PDZRN4: variants seen among roughly 807,000 people sequenced by gnomAD.
The protein encoded by PDZRN4 is PDZ domain-containing RING finger protein 4.
In PDZRN4, 70 loss-of-function variants were observed where a neutral mutation model predicts 99.0. The ratio of observed to expected loss-of-function variants is 0.71; its 90% confidence interval spans 0.58 to 0.86. PDZRN4 has a LOEUF of 0.86. PDZRN4 is among the 40% of genes least tolerant of loss of function. The pLI, the probability that PDZRN4 is intolerant of heterozygous loss-of-function variation, is 0.00. For missense variants in PDZRN4, 1,474 were observed against 1,331.2 expected, an observed-to-expected ratio of 1.11 and a Z score of -1.67; for synonymous variants, 551 against 501.6, an observed-to-expected ratio of 1.10 and a Z score of -1.32.
chr12:41,400,202 G>A (rs1329297194), intron 3 of PDZRN4, among the ~76,000 whole-genome samples: 1 of 152,110 alleles, frequency 6.6e-6, no homozygotes, highest in Non-Finnish European at 1.5e-5. Flanking sequence ...TTTTCTCCCT[G>A]TTGTGCATTT....
At chr12:41,195,303 C>A (rs1036241804) in intron 3 of PDZRN4, among the ~76,000 whole-genome samples, 14 of 152,112 alleles carry the variant, frequency 9.2e-5, no homozygotes, top group African/African-American at 3.4e-4. Flanking sequence ...TTACTTGACT[C>A]CACTATTGTT....
Position 41,317,376 on chromosome 12 carries a change from T to C in PDZRN4, c.843+123188T>C, listed in dbSNP as rs886832775. Among the ~76,000 whole-genome samples the C allele has an allele frequency of 2.6e-5, 4 of 151,930 alleles. No individual in the cohort carries two copies. In the East Asian group the frequency reaches 7.8e-4, roughly 30 times the overall value. On this transcript the variant is annotated intron_variant, in intron 3 of 9. Coordinates refer to ENST00000402685, the MANE Select transcript of PDZRN4 (RefSeq NM_001164595.2). ...TTCCTAAGGGAAGGTCAGTCTTTTT[T>C]CTCTTAAGATCTTCAACTGATTGGA...
intron 3 of PDZRN4, among the ~76,000 whole-genome samples, chr12:41,337,303 C>G (rs2121006994): frequency 6.6e-6 from 1 of 152,106 alleles, no homozygotes; most frequent in East Asian, 1.9e-4. Context: ...AAACTTTTCT[C>G]CACTCGAGAA....
At chr12:41,481,402 C>T (rs1361128684) in intron 3 of PDZRN4, among the ~76,000 whole-genome samples, 1 of 152,082 alleles carries the variant, frequency 6.6e-6, no homozygotes, top group Non-Finnish European at 1.5e-5. Context: ...TGCTCAAAAC[C>T]CTCCTGCCAA....
At chr12:41,373,997 A>G (rs1952062176) in intron 3 of PDZRN4, among the ~76,000 whole-genome samples, 1 of 152,152 alleles carries the variant, frequency 6.6e-6, no homozygotes, top group South Asian at 2.1e-4. Context: ...TTGGGCTCCC[A>G]TGAAATAGAA....
chr12:41,290,866 T>C (rs74993896), intron 3 of PDZRN4, among the ~76,000 whole-genome samples: 2,193 of 152,184 alleles, frequency 0.014, 22 homozygotes, highest in Middle Eastern at 0.034. Flanking sequence ...TTACAAAAAT[T>C]TACAATTTTC....
chr12:41,280,857 G>C (rs1951379981), intron 3 of PDZRN4, among the ~76,000 whole-genome samples: 1 of 152,180 alleles, frequency 6.6e-6, no homozygotes, highest in Admixed American at 6.5e-5. Flanking sequence ...CAGCGTTCCA[G>C]CTCTGAGAAC....
intron 3 of PDZRN4, among the ~76,000 whole-genome samples, chr12:41,319,545 C>A (rs1002473791): frequency 1.3e-5 from 2 of 152,154 alleles, no homozygotes; most frequent in African/African-American, 4.8e-5. Flanking sequence ...GCCACATCTA[C>A]TGTCTCTCCA....
At chr12:41,474,503 A>G (rs931322780) in intron 3 of PDZRN4, among the ~76,000 whole-genome samples, 5 of 152,212 alleles carry the variant, frequency 3.3e-5, no homozygotes, top group Non-Finnish European at 7.4e-5. Context: ...GACTTGCTCA[A>G]AGTCTTACAG....
Position 41,563,646 on chromosome 12 carries a change from T to A in PDZRN4, c.1464T>A (p.Ile488=). The change falls in exon 8 of 10, where the codon ATT becomes ATA. Residue 488 remains isoleucine (I), a synonymous_variant. Coordinates refer to ENST00000402685, the MANE Select transcript of PDZRN4 (RefSeq NM_001164595.2). The part of the protein sequence containing the change: ...RIVLLVARPE[I]QLDEGWLEDE... ...TGCTGCTTGTTGCAAGGCCAGAGAT[T>A]CAGGTCAGAACAGAGATCAAAAGCC... 2 of 1,609,832 alleles carry A rather than the reference T, an allele frequency of 1.2e-6. No individual in the cohort carries two copies. Among genetic ancestry groups the A allele is most frequent in the Non-Finnish European group, 1.7e-6 (2 of 1,176,414 alleles).
intron 3 of PDZRN4, among the ~76,000 whole-genome samples, chr12:41,278,977 T>C (rs1951366876): frequency 6.6e-6 from 1 of 152,154 alleles, no homozygotes; most frequent in Non-Finnish European, 1.5e-5. Flanking sequence ...CCCAGTTAAA[T>C]ATCCTGCCAT....
intron 3 of PDZRN4, among the ~76,000 whole-genome samples, chr12:41,202,410 C>T (rs999031085): frequency 3.3e-5 from 5 of 151,982 alleles, no homozygotes; most frequent in African/African-American, 1.2e-4. Flanking sequence ...GGAAACTTTC[C>T]CAGTCTTTTC....
chr12:41,274,042 TTTAAG>T (rs1951333585), intron 3 of PDZRN4, among the ~76,000 whole-genome samples: 1 of 152,132 alleles, frequency 6.6e-6, no homozygotes, highest in Admixed American at 6.6e-5. Flanking sequence ...GGACATGGCA[TTTAAG>T]TTAAGTTCAT....
rs200451570 is a variant in PDZRN4 at position 41,307,612 on chromosome 12, T to G, written c.843+113424T>G. On this transcript the variant is annotated intron_variant, in intron 3 of 9. Coordinates refer to ENST00000402685, the MANE Select transcript of PDZRN4 (RefSeq NM_001164595.2). The stretch of plus-strand genomic sequence containing the variant: ...AAGAAGGAACTTTGGAGAGCCAGAT[T>G]TTTTTTTTTTTTTTGGTAAACATTT... 1.9e-3 allele frequency among the ~76,000 whole-genome samples: 3 copies of G among 1,564 alleles called. No homozygotes were observed. The Non-Finnish European group carries it at 0.033, about 17-fold the overall frequency. The allele number at this position is 1,564 out of a possible 152,430, so 1.0% of individuals were successfully genotyped here. A position where few individuals can be genotyped will look rare whatever the true frequency, so the allele number is the denominator to read the frequency against.
At chr12:41,317,068 A>ATATATATATATATG (rs1951643820) in intron 3 of PDZRN4, among the ~76,000 whole-genome samples, 1 of 142,140 alleles carries the variant, frequency 7.0e-6, no homozygotes, top group Non-Finnish European at 1.6e-5. Flanking sequence ...ATATATATAT[A>ATATATATATATATG]TATATAGTAT....
chr12:41,197,664 A>T (rs575855010), intron 3 of PDZRN4, among the ~76,000 whole-genome samples: 1 of 152,310 alleles, frequency 6.6e-6, no homozygotes, highest in East Asian at 1.9e-4. Context: ...AATTCACCAC[A>T]GTATACAGCT....
chr12:41,541,711 C>T (rs543864592), intron 5 of PDZRN4, among the ~76,000 whole-genome samples: 1 of 152,224 alleles, frequency 6.6e-6, no homozygotes, highest in Admixed American at 6.5e-5. Flanking sequence ...CCTCGGCCTC[C>T]CAAAGTGCTG....
chr12:41,418,239 T>G (rs539921613), intron 3 of PDZRN4, among the ~76,000 whole-genome samples: 1 of 152,312 alleles, frequency 6.6e-6, no homozygotes, highest in Non-Finnish European at 1.5e-5. Flanking sequence ...AAAATCTAAA[T>G]TGAAAAACTT....
At chr12:41,361,580 T>C (rs1480184517) in intron 3 of PDZRN4, among the ~76,000 whole-genome samples, 1 of 152,038 alleles carries the variant, frequency 6.6e-6, no homozygotes, top group Non-Finnish European at 1.5e-5. Flanking sequence ...TGAGGCCATA[T>C]GGATCATAAA....
Sources: allele counts gnomAD v4.1 joint callset (sites outside exome capture counted in the v4.1 genomes callset), GRCh38; gene constraint gnomAD v4.1.1; transcripts MANE v1.5; gene names NCBI Gene and HGNC (gene_info 2026-07-23, HGNC 2026-07-21).